The following RBM5 variants were observed in gnomAD, a reference collection of about 807,000 sequenced individuals.
The protein encoded by RBM5 is RNA-binding protein 5.
A neutral mutation model predicts 124.6 loss-of-function variants in RBM5; 15 were observed. The ratio of observed to expected loss-of-function variants is 0.12; its 90% CI spans 0.08 to 0.19. The LOEUF is 0.19. Among genes scored for constraint, RBM5 ranks in the 10% least tolerant of loss-of-function variants. The pLI is 1.00. For synonymous variants in RBM5, 337 were observed against 361.2 expected (o/e 0.93, Z 0.76); for missense variants, 580 against 1,026.5 (o/e 0.57, Z 5.94).
rs370608309 is a variant in RBM5, at chr3:50,092,186, A to T, written c.161A>T (p.Tyr54Phe). The T allele has an allele frequency of 1.2e-6, 2 of 1,613,648 alleles. No individual in the cohort carries two copies. Among genetic ancestry groups the T allele is most frequent in the Non-Finnish European group, 1.7e-6 (2 of 1,179,984 alleles). ...DDRRGDRYDDYRDYDSPERER... is the reference protein window; with the variant it reads ...DDRRGDRYDDFRDYDSPERER... ...CGGAGGGGTGATAGATATGATGACT[A>T]CCGAGACTATGACAGTCCAGAGGTG... The change falls in exon 3 of 25, where the codon TAC (tyrosine) becomes TTC (phenylalanine). Residue 54 changes from tyrosine (Y) to phenylalanine (F), a missense_variant. Transcript: ENST00000347869.
Position 50,110,393 on chromosome 3 carries a change from G to A in RBM5, c.1293G>A (p.Gln431=). ...NPPGSPTEEA[Q]PSTSTSTQAP... is the part of the protein sequence containing the mutation. ...GTTCTTTCCAGACTGAGGAAGCACA[G>A]CCTAGCACTAGCACAAGTACACAGG... The change falls in exon 16 of 25, where the codon CAG becomes CAA. Residue 431 remains glutamine (Q), a synonymous_variant. Transcript: ENST00000347869. 1 of 1,614,156 alleles carries A rather than the reference G, an allele frequency of 6.2e-7. No homozygotes were observed. The highest frequency in any genetic ancestry group is 8.5e-7 in the Non-Finnish European group (1 of 1,180,016).
rs2071209 is a variant in RBM5 at position 50,114,765 on chromosome 3, T to G, written c.1839+514T>G. The G allele has an allele frequency of 8.4e-5, 13 of 155,668 alleles. No homozygotes were observed. The East Asian group carries it at 2.5e-3, about 30-fold the overall frequency. 9.6% of individuals were successfully genotyped at this position (155,668 alleles called of 1,614,324 possible). On this transcript the variant is annotated intron_variant, in intron 20 of 24. Transcript: ENST00000347869. The stretch of plus-strand genomic sequence containing the variant: ...GGGATGCTAAGGTAAGAGAATTGCT[T>G]GAGCCCAGGAGATCAAGGCTGCAGT...
rs562042213 is a variant in RBM5, at chr3:50,116,124, C to A, written c.2094+144C>A. The A allele has an allele frequency of 1.7e-5, 13 of 744,018 alleles. No individual in the cohort carries two copies. In the African/African-American group the frequency reaches 2.1e-4, roughly 12 times the overall value. The allele number at this position is 744,018 out of a possible 1,614,324, so 46.1% of individuals were successfully genotyped here. A position where few individuals can be genotyped will look rare whatever the true frequency, so the allele number is the denominator to read the frequency against. On this transcript the variant is annotated intron_variant, in intron 22 of 24. Transcript: ENST00000347869. ...CATCTGACCATTGTAGTTCATGTAG[C>A]CTAGACCCAGCCTCTGTGTGCCTTG...
At chr3:50,116,985 A>C (rs966695491) in intron 22 of RBM5, 89 bp from the exon 23 acceptor site, 1 of 1,212,198 alleles carries the variant, frequency 8.2e-7, no homozygotes, top group Non-Finnish European at 1.2e-6. Context: ...ATTTAAAAAT[A>C]CTTGAGGGGA....
chr3:50,104,408 T>A, intron 8 of RBM5, 100 bp downstream of exon 8: 1 of 1,165,514 alleles, frequency 8.6e-7, no homozygotes. Flanking sequence ...AAGGCCAAGG[T>A]GGGAAGATCA....
chr3:50,108,415 T>C, intron 14 of RBM5, 111 bp downstream of exon 14: 1 of 1,129,960 alleles, frequency 8.8e-7, no homozygotes, highest in Non-Finnish European at 1.3e-6. Flanking sequence ...TCTGTAAGAT[T>C]GTAGGGGGCA....
rs1443020146 is a variant in RBM5, at chr3:50,100,507, G to A, written c.410-25G>A. 16 of 1,580,172 alleles carry A rather than the reference G, an allele frequency of 1.0e-5. No homozygotes were observed. Among genetic ancestry groups the A allele is most frequent in the East Asian group, 4.5e-5 (2 of 44,698 alleles). Reference sequence around the variant, plus strand: ...AGGAACTGACTAACACAAGTATCCCGTCTATATCTGAATGCTGTCTCTAGG... The same window carrying A: ...AGGAACTGACTAACACAAGTATCCCATCTATATCTGAATGCTGTCTCTAGG... On this transcript the variant is annotated intron_variant, in intron 5 of 24. Transcript: ENST00000347869. The surrounding 1 kb of genome is among the most constrained non-coding windows in gnomAD (Gnocchi z 5.1).
intron 4 of RBM5, among the ~76,000 whole-genome samples, chr3:50,097,872 G>C (rs1301753072): frequency 6.6e-6 from 1 of 152,204 alleles, no homozygotes; most frequent in African/African-American, 2.4e-5. Context: ...AGGCCAAGGT[G>C]GGTGGATTAC....
chr3:50,099,874 TAAAAAA>T, intron 4 of RBM5, 102 bp from the exon 5 acceptor site: 1 of 797,176 alleles, frequency 1.3e-6, no homozygotes, highest in South Asian at 2.3e-5. Flanking sequence ...ACTCCCATCT[TAAAAAA>T]AAAAAAAACT....
chr3:50,114,809 G>C (rs1429204422), intron 20 of RBM5: 3 of 153,186 alleles, frequency 2.0e-5, no homozygotes, highest in Non-Finnish European at 4.3e-5. Context: ...GCACTTTTTG[G>C]GGATCATACC....
In RBM5 at chr3:50,113,439, C is replaced by G. The variant is rs763098710; in HGVS notation, c.1512C>G (p.Thr504=). 1 of 1,613,852 alleles carries G rather than the reference C, an allele frequency of 6.2e-7. No homozygotes were observed. Among genetic ancestry groups the G allele is most frequent in the African/African-American group, 1.3e-5 (1 of 74,880 alleles). Residue 504 remains threonine, a synonymous_variant, in exon 18 of 25, where the codon ACC becomes ACG. Coordinates refer to ENST00000347869, the MANE Select transcript of RBM5 (RefSeq NM_005778.4). ...QYLYWDGEKE[T]YVPAAESSSH... is the part of the protein sequence containing the mutation. ...TTTACTGGGATGGGGAAAAAGAGACCTACGTGCCAGCTGCAGAGTCTAGCT... is the reference window on the plus strand; with the variant it reads ...TTTACTGGGATGGGGAAAAAGAGACGTACGTGCCAGCTGCAGAGTCTAGCT...
intron 17 of RBM5, chr3:50,112,530 G>A (rs954487018): frequency 6.6e-6 from 1 of 152,106 alleles, no homozygotes; most frequent in Non-Finnish European, 1.5e-5. Context: ...GTGAGCGACT[G>A]GAAAATAGAG....
At chr3:50,115,335 C>T (rs1309070398) in intron 20 of RBM5, 93 bp from the exon 21 acceptor site, 3 of 1,399,036 alleles carry the variant, frequency 2.1e-6, no homozygotes, top group Non-Finnish European at 3.0e-6. Context: ...GATTTGTTAA[C>T]ATTTCGGATG....
Position 50,118,478 on chromosome 3 carries a change from G to C in RBM5, c.*22G>C, listed in dbSNP as rs1427901965. The C allele has an allele frequency of 1.9e-6, 3 of 1,606,244 alleles. No homozygotes were observed. In the Admixed American group the frequency reaches 5.1e-5, roughly 27 times the overall value. The stretch of plus-strand genomic sequence containing the variant: ...GTGAGAGAGAGAGAGAGAGAGAGAT[G>C]ACAAGGAGCACAAGAAGTGGTCCAT... On this transcript the variant is annotated 3_prime_UTR_variant, in exon 25 of 25. Coordinates refer to ENST00000347869, the MANE Select transcript of RBM5 (RefSeq NM_005778.4).
intron 14 of RBM5, among the ~76,000 whole-genome samples, chr3:50,108,753 C>T (rs1303772751): frequency 6.6e-6 from 1 of 152,124 alleles, no homozygotes; most frequent in African/African-American, 2.4e-5. Flanking sequence ...GGGCTGTCAT[C>T]ATGTACCCAA....
At position 50,090,372 on chromosome 3, in the gene RBM5, T is replaced by C; in HGVS notation, c.-53-10T>C. ...GAGATTTATAGCAATTAATCTCTCTTGTCTCCTAGAAAAAATAAAATTTGA... is the reference window on the plus strand; with the variant it reads ...GAGATTTATAGCAATTAATCTCTCTCGTCTCCTAGAAAAAATAAAATTTGA... On this transcript the variant is annotated splice_polypyrimidine_tract_variant and intron_variant, in intron 1 of 24. Coordinates refer to ENST00000347869, the MANE Select transcript of RBM5 (RefSeq NM_005778.4). The C allele has an allele frequency of 2.5e-6, 4 of 1,587,206 alleles. No homozygotes were observed. Among genetic ancestry groups the C allele is most frequent in the Non-Finnish European group, 3.5e-6 (4 of 1,156,902 alleles).
chr3:50,107,447 G>C (rs751496840), intron 11 of RBM5, 35 bp from the exon 12 acceptor site: 7 of 1,505,474 alleles, frequency 4.6e-6, no homozygotes, highest in Non-Finnish European at 5.5e-6. Context: ...GGAATACTGT[G>C]ATAGAATCAC....
chr3:50,117,127 A>G lies in RBM5; in HGVS notation c.2148A>G (p.Glu716=). ...AERREKYGIP[E]PPEPKRKKQF... The stretch of plus-strand genomic sequence containing the variant: ...GACGGGAGAAGTACGGCATTCCAGA[A>G]CCTCCAGAGCCCAAGCGCAAGAAGC... Residue 716 remains glutamate (E), a synonymous_variant, in exon 23 of 25, where the codon GAA becomes GAG. Transcript: ENST00000347869. The surrounding 1 kb of genome is among the most constrained non-coding windows in gnomAD (Gnocchi z 4.2). The G allele has an allele frequency of 1.9e-6, 3 of 1,614,088 alleles. No homozygotes were observed. The highest frequency in any genetic ancestry group is 2.5e-6 in the Non-Finnish European group (3 of 1,180,014).
At chr3:50,097,393 CAA>C (rs35592964) in intron 4 of RBM5, among the ~76,000 whole-genome samples, 37 of 113,938 alleles carry the variant, frequency 3.2e-4, no homozygotes, top group Admixed American at 1.7e-3. Context: ...AAGACTGTCT[CAA>C]AAAAAAAAAA....
Sources: allele counts gnomAD v4.1 joint callset (sites outside exome capture counted in the v4.1 genomes callset), GRCh38; gene constraint gnomAD v4.1.1; non-coding constraint Gnocchi (gnomAD v3.1); transcripts MANE v1.5; gene names NCBI Gene and HGNC (gene_info 2026-07-23, HGNC 2026-07-21).